The following EGF variants were observed in gnomAD, a reference collection of about 807,000 sequenced individuals.
EGF encodes pro-epidermal growth factor.
Under a neutral mutation model 143.8 loss-of-function variants are expected in EGF, and 95 were observed. The observed-to-expected ratio is 0.66, with a 90% CI of 0.56 to 0.78. The LOEUF is 0.78. Ranked by LOEUF, EGF falls within the 30% of genes least tolerant of loss-of-function variation. The pLI is 0.00. For missense variants in EGF, 1,320 were observed against 1,470.9 expected (o/e 0.90, Z 1.68); for synonymous variants, 510 against 510.5 (o/e 1.00, Z 0.01).
rs539633756 is a variant in EGF at position 109,935,741 on chromosome 4, G to A, written c.128-5205G>A. On this transcript the variant is annotated intron_variant, in intron 1 of 23. Transcript: ENST00000265171. ...GAGATACGTTCCATCAATACCAAGA[G>A]TTTTTAGCATGTAAGGGTGTTGAAT... 1.7e-4 allele frequency among the ~76,000 whole-genome samples: 26 copies of A among 150,902 alleles called. 1 individual carries two copies. The highest frequency in any genetic ancestry group is 6.0e-4 in the African/African-American group (25 of 41,364).
intron 1 of EGF, among the ~76,000 whole-genome samples, chr4:109,926,384 T>C (rs1579465693): frequency 6.9e-6 from 1 of 144,734 alleles, no homozygotes; most frequent in African/African-American, 2.6e-5. Flanking sequence ...AGACGGAGTC[T>C]CTCTCTGTCG....
At chr4:109,964,308 G>A in intron 9 of EGF, 93 bp from the exon 10 acceptor site, 2 of 1,561,530 alleles carry the variant, frequency 1.3e-6, no homozygotes, top group Non-Finnish European at 1.8e-6. Context: ...TAGAAATTGG[G>A]TAAAAAGGTA....
intron 1 of EGF, among the ~76,000 whole-genome samples, chr4:109,927,806 CGTGTGTGTGTGTGT>C (rs57788647): frequency 0.011 from 1,503 of 136,388 alleles, 13 homozygotes; most frequent in Non-Finnish European, 0.015. Context: ...TGAATTTTGC[CGTGTGTGTGTGTGT>C]GTGTGTGTGT....
At chr4:109,996,199 T>C (rs1381662674) in intron 20 of EGF, among the ~76,000 whole-genome samples, 1 of 152,252 alleles carries the variant, frequency 6.6e-6, no homozygotes, top group Non-Finnish European at 1.5e-5. Context: ...ACTACAGGGT[T>C]ACATACTGCA....
rs138767189 is a variant in EGF, at chr4:109,961,981, T to C, written c.1308T>C (p.Cys436=). The C allele has an allele frequency of 3.5e-5, 57 of 1,613,804 alleles. No homozygotes were observed. The Middle Eastern group carries it at 6.6e-4, about 19-fold the overall frequency. The change falls in exon 8 of 24, where the codon TGT becomes TGC. Residue 436 remains cysteine, a synonymous_variant. Coordinates refer to ENST00000265171, the MANE Select transcript of EGF (RefSeq NM_001963.6). ...GSVLERDGKT[C]SGCSSPDNGG... The stretch of plus-strand genomic sequence containing the variant: ...TGCTTGAGAGAGATGGGAAAACATG[T>C]AGCGGTGAGTTTATTTGCTTTATTT...
intron 2 of EGF, 112 bp downstream of exon 2, chr4:109,941,257 G>A (rs541960887): frequency 5.5e-5 from 53 of 962,218 alleles, no homozygotes; most frequent in African/African-American, 3.8e-4. Flanking sequence ...GTTCAAATGC[G>A]TGTCTGCCAA....
At position 109,999,673 on chromosome 4, in the gene EGF, T is replaced by A; in HGVS notation, c.3006-6T>A. 1 of 1,614,190 alleles carries A rather than the reference T, an allele frequency of 6.2e-7. No individual in the cohort carries two copies. Among genetic ancestry groups the A allele is most frequent in the Non-Finnish European group, 8.5e-7 (1 of 1,180,022 alleles). On this transcript the variant is annotated splice_region_variant and splice_polypyrimidine_tract_variant and intron_variant, in intron 20 of 23. Coordinates refer to ENST00000265171, the MANE Select transcript of EGF (RefSeq NM_001963.6). Reference sequence around the variant, plus strand: ...TCTGATGACCTCTGTTTGTGTGTTGTCACAGCTGTGTTGTTGGCTACATCG... The same window carrying A: ...TCTGATGACCTCTGTTTGTGTGTTGACACAGCTGTGTTGTTGGCTACATCG...
chr4:109,933,891 A>G (rs996468024), intron 1 of EGF, among the ~76,000 whole-genome samples: 1 of 152,180 alleles, frequency 6.6e-6, no homozygotes, highest in African/African-American at 2.4e-5. Flanking sequence ...ATATGTGTGC[A>G]TATGTCTGTA....
At chr4:110,011,063 GT>G (rs1205986420) in intron 23 of EGF, 138 bp from the exon 24 acceptor site, 1 of 928,194 alleles carries the variant, frequency 1.1e-6, no homozygotes, top group East Asian at 2.7e-5. Flanking sequence ...AGAAAAAAAT[GT>G]GTCTAGAGTA....
At chr4:109,989,385 C>T (rs375586214) in intron 18 of EGF, among the ~76,000 whole-genome samples, 7 of 152,174 alleles carry the variant, frequency 4.6e-5, no homozygotes, top group South Asian at 2.1e-4. Flanking sequence ...GTCTGAGGCA[C>T]GGTGAAGTGA....
In EGF at chr4:110,012,628, C is replaced by G. The variant is rs1218459043; in HGVS notation, c.*1173C>G. Among the ~76,000 whole-genome samples the G allele has an allele frequency of 1.3e-5, 2 of 152,130 alleles. No homozygotes were observed. Among genetic ancestry groups the G allele is most frequent in the Non-Finnish European group, 2.9e-5 (2 of 68,024 alleles). On this transcript the variant is annotated 3_prime_UTR_variant, in exon 24 of 24. Transcript: ENST00000265171. Reference sequence around the variant, plus strand: ...ACTCCTGGCCTCAAGCAAGGTCGTGCTGGTAATTTTGCAAAATGAATTGTG... The same window carrying G: ...ACTCCTGGCCTCAAGCAAGGTCGTGGTGGTAATTTTGCAAAATGAATTGTG...
intron 13 of EGF, 83 bp downstream of exon 13, chr4:109,976,318 C>A: frequency 8.5e-7 from 1 of 1,176,846 alleles, no homozygotes; most frequent in Non-Finnish European, 1.2e-6. Flanking sequence ...CACACACACA[C>A]ATACCACTTA....
At chr4:109,967,530 G>T (rs1326305983) in intron 10 of EGF, among the ~76,000 whole-genome samples, 1 of 151,900 alleles carries the variant, frequency 6.6e-6, no homozygotes, top group East Asian at 1.9e-4. Flanking sequence ...GCTTATTTTT[G>T]GTTTCATGTG....
At chr4:109,989,699 A>G (rs1281942105) in intron 18 of EGF, among the ~76,000 whole-genome samples, 1 of 152,224 alleles carries the variant, frequency 6.6e-6, no homozygotes, top group Non-Finnish European at 1.5e-5. Flanking sequence ...AATTTAGACA[A>G]GCTGATTTCA....
intron 5 of EGF, among the ~76,000 whole-genome samples, chr4:109,954,460 T>G (rs1010544432): frequency 6.6e-6 from 1 of 152,176 alleles, no homozygotes; most frequent in African/African-American, 2.4e-5. Flanking sequence ...GGCTAGGTGA[T>G]TTTTTTCTTT....
In EGF at chr4:109,936,319, G is replaced by C. The variant is rs139545459; in HGVS notation, c.128-4627G>C. 0.013 allele frequency among the ~76,000 whole-genome samples: 1,972 copies of C among 152,132 alleles called. 198 individuals carry two copies. In the East Asian group the frequency reaches 0.23, roughly 18 times the overall value. On this transcript the variant is annotated intron_variant, in intron 1 of 23. Transcript: ENST00000265171. ...AATTTATCCCTTTCTTCCAGATTTT[G>C]TAGTTTATTTGCATAGAGGTGTTTA...
chr4:109,977,753 T>A (rs1054817455), intron 13 of EGF, among the ~76,000 whole-genome samples: 3 of 152,080 alleles, frequency 2.0e-5, no homozygotes, highest in African/African-American at 7.2e-5. Context: ...GGTGAAAAGA[T>A]CACTTGAGCC....
chr4:109,963,115 T>C, intron 8 of EGF, 58 bp from the exon 9 acceptor site: 2 of 1,601,280 alleles, frequency 1.2e-6, no homozygotes, highest in South Asian at 2.2e-5. Context: ...CATCCTTTGA[T>C]GAAAAATAAT....
intron 15 of EGF, among the ~76,000 whole-genome samples, chr4:109,981,879 T>A (rs967971369): frequency 1.3e-5 from 2 of 151,910 alleles, no homozygotes; most frequent in African/African-American, 4.8e-5. Context: ...GGTCAAGAGT[T>A]TTAAAAATTA....
Sources: gnomAD v4.1 joint callset for allele counts (sites outside exome capture counted in the v4.1 genomes callset) on GRCh38, gnomAD v4.1.1 for gene constraint, MANE v1.5 for transcripts, NCBI Gene and HGNC (gene_info 2026-07-23, HGNC 2026-07-21) for gene names.